The following SNX1 variants were observed in gnomAD, a reference collection of about 807,000 sequenced individuals.
SNX1 encodes sorting nexin-1.
A neutral mutation model predicts 71.8 loss-of-function variants in SNX1; 36 were observed. The ratio of observed to expected loss-of-function variants is 0.50; its 90% CI spans 0.38 to 0.66. SNX1 has a LOEUF of 0.66. Among genes scored for constraint, SNX1 ranks in the 30% least tolerant of loss-of-function variants. SNX1 has a pLI of 0.00. For missense variants in SNX1, 612 were observed against 646.7 expected, an observed-to-expected ratio of 0.95 and a Z score of 0.58; for synonymous variants, 254 against 240.7, an observed-to-expected ratio of 1.06 and a Z score of -0.51.
chr15:64,125,858 A>G (rs2081246469), intron 5 of SNX1, among the ~76,000 whole-genome samples: 1 of 152,152 alleles, frequency 6.6e-6, no homozygotes, highest in African/African-American at 2.4e-5. Flanking sequence ...TTTTGCATTT[A>G]AAATCATTAT....
chr15:64,103,719 C>G (rs2080988493), intron 1 of SNX1, among the ~76,000 whole-genome samples: 1 of 152,168 alleles, frequency 6.6e-6, no homozygotes, highest in South Asian at 2.1e-4. Flanking sequence ...GATGGTTAAT[C>G]TGGCTAATAC....
At chr15:64,123,788 T>A (rs2081219720) in intron 5 of SNX1, among the ~76,000 whole-genome samples, 1 of 152,168 alleles carries the variant, frequency 6.6e-6, no homozygotes, top group Non-Finnish European at 1.5e-5. Flanking sequence ...GTGGTATATC[T>A]GATACAGCCC....
chr15:64,122,459 T>C (rs942926638), intron 4 of SNX1, among the ~76,000 whole-genome samples: 6 of 152,212 alleles, frequency 3.9e-5, no homozygotes, highest in Non-Finnish European at 5.9e-5. Flanking sequence ...CCTGTATTCC[T>C]GTGTAATCTT....
intron 8 of SNX1, 32 bp downstream of exon 8, chr15:64,127,838 T>C (rs1458011998): frequency 1.3e-6 from 2 of 1,549,126 alleles, no homozygotes; most frequent in African/African-American, 1.4e-5. Flanking sequence ...AATTTCATAA[T>C]TTATATCTGC....
intron 1 of SNX1, among the ~76,000 whole-genome samples, chr15:64,110,223 G>A (rs565575447): frequency 2.0e-5 from 3 of 152,264 alleles, no homozygotes; most frequent in Admixed American, 2.0e-4. Context: ...GAGAACTACA[G>A]AAAAAAGATT....
chr15:64,130,413 C>A, intron 10 of SNX1, 92 bp downstream of exon 10: 1 of 1,054,416 alleles, frequency 9.5e-7, no homozygotes, highest in Non-Finnish European at 1.5e-6. Flanking sequence ...ATCCTCTCAG[C>A]CATCCAAGTT....
At chr15:64,109,928 G>A (rs990314155) in intron 1 of SNX1, among the ~76,000 whole-genome samples, 2 of 152,162 alleles carry the variant, frequency 1.3e-5, no homozygotes, top group Admixed American at 6.6e-5. Flanking sequence ...TTCCTGGAAG[G>A]GAGCTTAGCA....
intron 2 of SNX1, among the ~76,000 whole-genome samples, chr15:64,114,021 G>A (rs2081104912): frequency 6.6e-6 from 1 of 152,202 alleles, no homozygotes; most frequent in African/African-American, 2.4e-5. Flanking sequence ...GGCTGGAAAT[G>A]TAATTTGGAA....
At chr15:64,106,038 T>C (rs2081017876) in intron 1 of SNX1, among the ~76,000 whole-genome samples, 1 of 152,174 alleles carries the variant, frequency 6.6e-6, no homozygotes, top group African/African-American at 2.4e-5. Context: ...TTTAATAAAT[T>C]AAAATGATTT....
chr15:64,130,306 G>C lies in SNX1; in HGVS notation c.1000G>C (p.Val334Leu). The C allele has an allele frequency of 6.2e-7, 1 of 1,613,932 alleles. No homozygotes were observed. Among genetic ancestry groups the C allele is most frequent in the Non-Finnish European group, 8.5e-7 (1 of 1,179,822 alleles). The change falls in exon 10 of 15, where the codon GTC becomes CTC. Residue 334 changes from valine (V) to leucine (L), a missense_variant. Around this residue, in one of 2 missense-constraint regions of SNX1, gnomAD observed 296 missense variants for 361.9 expected, o/e 0.82. Transcript: ENST00000559844. Reference sequence around the variant, plus strand: ...ACTGCATGCTGTTGTAGAAACTCTAGTCAACCATAGGAAAGGTAACAAGCT... The same window carrying C: ...ACTGCATGCTGTTGTAGAAACTCTACTCAACCATAGGAAAGGTAACAAGCT... The part of the protein sequence containing the change: ...RKLHAVVETL[V>L]NHRKELALNT...
Position 64,134,526 on chromosome 15 carries a change from G to A in SNX1, c.1222-138G>A. 1 of 970,784 alleles carries A rather than the reference G, an allele frequency of 1.0e-6. No homozygotes were observed. The highest frequency in any genetic ancestry group is 1.5e-6 in the Non-Finnish European group (1 of 668,962). 60.1% of individuals were successfully genotyped at this position (970,784 alleles called of 1,614,324 possible). On this transcript the variant is annotated intron_variant, in intron 11 of 14. Transcript: ENST00000559844. This position sits in a 1 kb window ranked among gnomAD's most constrained non-coding sequence, Gnocchi z 4.1. ...CTCCTAGACATTAAACTTCCCAGCT[G>A]GGCACTAACATGTGGCTGCAGAACC...
rs2081280727 is a variant in SNX1, at chr15:64,129,040, A to T, written c.808-876A>T. Among the ~76,000 whole-genome samples the T allele has an allele frequency of 6.6e-6, 1 of 152,200 alleles. No homozygotes were observed. The highest frequency in any genetic ancestry group is 1.5e-5 in the Non-Finnish European group (1 of 68,026). On this transcript the variant is annotated intron_variant, in intron 8 of 14. Transcript: ENST00000559844. The surrounding 1 kb of genome is among the most constrained non-coding windows in gnomAD (Gnocchi z 4.4). ...GGCAGGAGGATCACCTGAGGTCAGGAGTTCGAGACCAGCCTGGCCAACATG... is the reference window on the plus strand; with the variant it reads ...GGCAGGAGGATCACCTGAGGTCAGGTGTTCGAGACCAGCCTGGCCAACATG...
chr15:64,137,139 C>G (rs2081367552), intron 14 of SNX1, among the ~76,000 whole-genome samples: 1 of 152,208 alleles, frequency 6.6e-6, no homozygotes, highest in African/African-American at 2.4e-5. Flanking sequence ...GTCTGCTGCC[C>G]TCATTCTGAG....
In SNX1 at chr15:64,134,680, G is replaced by A. The variant is rs141526583; in HGVS notation, c.1238G>A (p.Arg413His). ...LAIVRAAFDQ[R>H]MKTWQRWQDA... ...CCCCCACAGGCTGCCTTCGACCAGC[G>A]CATGAAGACATGGCAGCGCTGGCAG... The change falls in exon 12 of 15, where the codon CGC becomes CAC. Residue 413 changes from arginine (R) to histidine (H), a missense_variant. Around this residue, in one of 2 missense-constraint regions of SNX1, gnomAD observed 296 missense variants for 361.9 expected, o/e 0.82. Coordinates refer to ENST00000559844, the MANE Select transcript of SNX1 (RefSeq NM_003099.5). This position sits in a 1 kb window ranked among gnomAD's most constrained non-coding sequence, Gnocchi z 4.1. 10 of 1,612,734 alleles carry A rather than the reference G, an allele frequency of 6.2e-6. No individual in the cohort carries two copies. Among genetic ancestry groups the A allele is most frequent in the East Asian group, 2.2e-5 (1 of 44,892 alleles).
intron 2 of SNX1, among the ~76,000 whole-genome samples, chr15:64,113,562 G>A (rs930765994): frequency 3.3e-5 from 5 of 152,110 alleles, no homozygotes; most frequent in African/African-American, 7.2e-5. Flanking sequence ...GCTCACACCC[G>A]TAATCCCAGC....
rs774500258 is a variant in SNX1, at chr15:64,142,469, T to C, written c.*4851T>C. 7.2e-5 allele frequency: 24 copies of C among 333,588 alleles called. No homozygotes were observed. Among genetic ancestry groups the C allele is most frequent in the Non-Finnish European group, 1.3e-4 (22 of 168,090 alleles). 20.7% of individuals were successfully genotyped at this position (333,588 alleles called of 1,614,324 possible). A position where few individuals can be genotyped will look rare whatever the true frequency, so the allele number is the denominator to read the frequency against. ...ATTCAGAGAAGAGAAAGAGAATGAC[T>C]ATCAGAGCCATGTTTGGAAGAAAAT... On this transcript the variant is annotated 3_prime_UTR_variant, in exon 15 of 15. Transcript: ENST00000559844.
At chr15:64,125,037 T>G (rs1049834981) in intron 5 of SNX1, among the ~76,000 whole-genome samples, 1 of 152,184 alleles carries the variant, frequency 6.6e-6, no homozygotes, top group African/African-American at 2.4e-5. Context: ...TATGATACTT[T>G]AGAGGTTACT....
intron 1 of SNX1, among the ~76,000 whole-genome samples, chr15:64,100,358 T>A (rs1446670108): frequency 6.6e-6 from 1 of 152,152 alleles, no homozygotes; most frequent in Non-Finnish European, 1.5e-5. Context: ...TCCCAGCATT[T>A]TGACAGGCCG....
intron 4 of SNX1, among the ~76,000 whole-genome samples, chr15:64,120,148 C>G (rs1375175995): frequency 6.6e-6 from 1 of 152,150 alleles, no homozygotes; most frequent in Admixed American, 6.5e-5. Context: ...TATACAGAAC[C>G]TGTCTTCCTA....
Sources: allele counts gnomAD v4.1 joint callset (sites outside exome capture counted in the v4.1 genomes callset), GRCh38; gene constraint gnomAD v4.1.1; regional missense constraint gnomAD v4.1.1; non-coding constraint Gnocchi (gnomAD v3.1); transcripts MANE v1.5; gene names NCBI Gene and HGNC (gene_info 2026-07-23, HGNC 2026-07-21).